ENPP1: variants seen among roughly 807,000 people sequenced by gnomAD.
ENPP1 encodes the protein ectonucleotide pyrophosphatase/phosphodiesterase family member 1.
ENPP1 carries 73 observed loss-of-function variants against 122.8 expected under a neutral mutation model. That is an observed-to-expected ratio of 0.59 (90% CI 0.49 to 0.72). The LOEUF is 0.72. Among genes scored for constraint, ENPP1 ranks in the 30% least tolerant of loss-of-function variants. The pLI, the probability that ENPP1 is intolerant of heterozygous loss-of-function variation, is 0.00. For synonymous variants in ENPP1, 367 were observed against 391.6 expected (o/e 0.94, Z 0.74); for missense variants, 978 against 1,128.1 (o/e 0.87, Z 1.91).
chr6:131,844,981 G>A (rs1245827519), intron 1 of ENPP1, among the ~76,000 whole-genome samples: 1 of 149,738 alleles, frequency 6.7e-6, no homozygotes, highest in Admixed American at 6.7e-5. Context: ...TGAGAAGAAG[G>A]TAAGTACTGT....
chr6:131,846,981 A>G (rs1177907806), intron 1 of ENPP1, among the ~76,000 whole-genome samples: 1 of 152,222 alleles, frequency 6.6e-6, no homozygotes, highest in Non-Finnish European at 1.5e-5. Flanking sequence ...ATGTTTAGAG[A>G]TCACGTAGTC....
intron 1 of ENPP1, chr6:131,827,427 T>C: frequency 2.9e-6 from 2 of 696,920 alleles, no homozygotes; most frequent in East Asian, 2.6e-5. Flanking sequence ...CCACAGCCTG[T>C]AGGAGGAGGT....
intron 23 of ENPP1, among the ~76,000 whole-genome samples, chr6:131,886,260 T>C (rs1317321316): frequency 6.6e-6 from 1 of 152,190 alleles, no homozygotes; most frequent in Non-Finnish European, 1.5e-5. Flanking sequence ...TGTTCAAAAA[T>C]GACATTTTCT....
rs916984371 is a variant in ENPP1 at position 131,893,755 on chromosome 6, C to G, written c.*3244C>G. 3.3e-5 allele frequency: 5 copies of G among 152,010 alleles called. No homozygotes were observed. Among genetic ancestry groups the G allele is most frequent in the South Asian group, 2.1e-4 (1 of 4,810 alleles). 9.4% of individuals were successfully genotyped at this position (152,010 alleles called of 1,614,324 possible). On this transcript the variant is annotated 3_prime_UTR_variant, in exon 25 of 25. Transcript: ENST00000647893. ...TTTTCTTGAAAGAGACTCCTCCTTT[C>G]TTTTCTTTTCTTGAAAGAGTTTTAA...
Position 131,884,947 on chromosome 6 carries a change from T to C in ENPP1, c.2328T>C (p.Phe776=). The change falls in exon 23 of 25, where the codon TTT becomes TTC. Residue 776 remains phenylalanine (F), a synonymous_variant. Coordinates refer to ENST00000647893, the MANE Select transcript of ENPP1 (RefSeq NM_006208.3). ...YQSFQVIWRY[F]HDTLLRKYAE... Reference sequence around the variant, plus strand: ...TTGTTTCAGTTATATGGCGCTACTTTCATGACACCCTACTGCGAAAGTATG... The same window carrying C: ...TTGTTTCAGTTATATGGCGCTACTTCCATGACACCCTACTGCGAAAGTATG... 1 of 1,614,194 alleles carries C rather than the reference T, an allele frequency of 6.2e-7. No individual in the cohort carries two copies. Among genetic ancestry groups the C allele is most frequent in the Non-Finnish European group, 8.5e-7 (1 of 1,180,016 alleles).
At chr6:131,862,194 AC>A (rs955685273) in intron 9 of ENPP1, among the ~76,000 whole-genome samples, 19 of 152,028 alleles carry the variant, frequency 1.2e-4, no homozygotes, top group African/African-American at 4.3e-4. Flanking sequence ...ACAAAAAAAA[AC>A]AACAAACAAA....
chr6:131,854,952 T>G lies in ENPP1; in HGVS notation c.644T>G (p.Phe215Cys). The G allele has an allele frequency of 6.2e-7, 1 of 1,613,796 alleles. No homozygotes were observed. Among genetic ancestry groups the G allele is most frequent in the Non-Finnish European group, 8.5e-7 (1 of 1,179,772 alleles). The change falls in exon 6 of 25, where the codon TTT becomes TGT. Residue 215 changes from phenylalanine to cysteine, a missense_variant. Transcript: ENST00000647893. ...AGFETPPTLL[F>C]SLDGFRAEYL... Reference sequence around the variant, plus strand: ...TTTGAAACGCCTCCTACCCTCTTATTTTCTTTGGATGGATTCAGGGCAGAA... The same window carrying G: ...TTTGAAACGCCTCCTACCCTCTTATGTTCTTTGGATGGATTCAGGGCAGAA...
intron 2 of ENPP1, among the ~76,000 whole-genome samples, chr6:131,849,703 A>T (rs1264996250): frequency 6.6e-6 from 1 of 152,200 alleles, no homozygotes; most frequent in African/African-American, 2.4e-5. Context: ...TGGTTATTTA[A>T]GTCTTATCAG....
Position 131,865,934 on chromosome 6 carries a change from T to C in ENPP1, c.1164+996T>C, listed in dbSNP as rs547543932. On this transcript the variant is annotated intron_variant, in intron 11 of 24. Coordinates refer to ENST00000647893, the MANE Select transcript of ENPP1 (RefSeq NM_006208.3). ...TCGCTTGAACCCAGGATGGGGAGGT[T>C]TCAGTGAGCCGAGATCGCACCACTG... Among the ~76,000 whole-genome samples the C allele has an allele frequency of 1.3e-4, 19 of 151,778 alleles. No homozygotes were observed. In the South Asian group the frequency reaches 4.0e-3, roughly 32 times the overall value.
At chr6:131,835,945 A>G (rs1781667828) in intron 1 of ENPP1, among the ~76,000 whole-genome samples, 1 of 152,238 alleles carries the variant, frequency 6.6e-6, no homozygotes, top group African/African-American at 2.4e-5. Context: ...AAGAAAGGTT[A>G]AAGGCCCAGA....
rs184170739 is a variant in ENPP1, at chr6:131,869,255, C to T, written c.1274-103C>T. On this transcript the variant is annotated intron_variant, in intron 12 of 24. Coordinates refer to ENST00000647893, the MANE Select transcript of ENPP1 (RefSeq NM_006208.3). Reference sequence around the variant, plus strand: ...CTTCAACTAATATGAGTGCTACACCCATGTTTAACGAATTTAACCTTGGAA... The same window carrying T: ...CTTCAACTAATATGAGTGCTACACCTATGTTTAACGAATTTAACCTTGGAA... The T allele has an allele frequency of 3.7e-6, 4 of 1,069,830 alleles. No homozygotes were observed. In the Admixed American group the frequency reaches 5.5e-5, roughly 15 times the overall value. The allele number at this position is 1,069,830 out of a possible 1,614,324, so 66.3% of individuals were successfully genotyped here. A position where few individuals can be genotyped will look rare whatever the true frequency, so the allele number is the denominator to read the frequency against.
rs752081274 is a variant in ENPP1, at chr6:131,869,340, A to T, written c.1274-18A>T. On this transcript the variant is annotated intron_variant, in intron 12 of 24. Transcript: ENST00000647893. ...TGTTAAAGTTACAGCATGTTTTGGG[A>T]TTTTTTTTTTCTCCTAGGCATGGAA... is the stretch of plus-strand genomic sequence containing the variant. 5.2e-6 allele frequency: 8 copies of T among 1,540,730 alleles called. No homozygotes were observed. The African/African-American group carries it at 1.1e-4, about 21-fold the overall frequency.
chr6:131,810,448 G>GCC (rs397886010), intron 1 of ENPP1, among the ~76,000 whole-genome samples: 1,055 of 52,724 alleles, frequency 0.02, 13 homozygotes, highest in African/African-American at 0.054. Flanking sequence ...CCCCAACCCC[G>GCC]CCCCCCCCCC....
intron 1 of ENPP1, among the ~76,000 whole-genome samples, chr6:131,822,707 AT>A (rs1161084455): frequency 1.3e-5 from 2 of 152,194 alleles, no homozygotes; most frequent in East Asian, 3.9e-4. Flanking sequence ...CATAAGTAGG[AT>A]TTTGAGACTT....
intron 1 of ENPP1, among the ~76,000 whole-genome samples, chr6:131,834,205 G>A (rs1305818187): frequency 1.3e-5 from 2 of 152,222 alleles, no homozygotes; most frequent in East Asian, 1.9e-4. Context: ...TGCCCACTGA[G>A]GCAGAAGTTA....
At chr6:131,826,004 G>A in intron 1 of ENPP1, 2 of 698,722 alleles carry the variant, frequency 2.9e-6, no homozygotes, top group Non-Finnish European at 2.7e-6. Context: ...AAGCACGTCT[G>A]TAAATATTCT....
At position 131,866,136 on chromosome 6, in the gene ENPP1, C is replaced by A. The variant is rs150639296; in HGVS notation, c.1164+1198C>A. Among the ~76,000 whole-genome samples, 1,001 of 152,144 alleles carry A rather than the reference C, an allele frequency of 6.6e-3. 25 individuals carry two copies. Among genetic ancestry groups the A allele is most frequent in the African/African-American group, 0.023 (960 of 41,508 alleles). ...AGTAAGGATCTTGACTATTTTGGGT[C>A]ATGAAAAAAGTGAAAAGAGGTATTG... is the stretch of plus-strand genomic sequence containing the variant. On this transcript the variant is annotated intron_variant, in intron 11 of 24. Coordinates refer to ENST00000647893, the MANE Select transcript of ENPP1 (RefSeq NM_006208.3).
intron 1 of ENPP1, among the ~76,000 whole-genome samples, chr6:131,825,445 A>T (rs1419673700): frequency 6.6e-6 from 1 of 152,216 alleles, no homozygotes; most frequent in Non-Finnish European, 1.5e-5. Context: ...ACTTTAATGA[A>T]GCAAAAAGTT....
At chr6:131,828,516 C>T in intron 1 of ENPP1, 1 of 190,010 alleles carries the variant, frequency 5.3e-6, no homozygotes, top group South Asian at 1.1e-4. Context: ...CTTAGACATA[C>T]CATCTCTGTG....
Sources: allele counts gnomAD v4.1 joint callset (sites outside exome capture counted in the v4.1 genomes callset), GRCh38; gene constraint gnomAD v4.1.1; transcripts MANE v1.5; gene names NCBI Gene and HGNC (gene_info 2026-07-23, HGNC 2026-07-21).